TBXAS1: variants seen among roughly 807,000 people sequenced by gnomAD.
TBXAS1 encodes thromboxane A synthase 1, also known as thromboxane-A synthase.
Under a neutral mutation model 60.7 loss-of-function variants are expected in TBXAS1, and 48 were observed. The ratio of observed to expected loss-of-function variants is 0.79; its 90% CI spans 0.63 to 1.01. The LOEUF is 1.01. Among genes scored for constraint, TBXAS1 ranks in the 50% least tolerant of loss-of-function variants. The pLI is 0.00. For synonymous variants in TBXAS1, 287 were observed against 269.7 expected (o/e 1.06, Z -0.63); for missense variants, 685 against 686.3 (o/e 1.00, Z 0.02).
intron 8 of TBXAS1, among the ~76,000 whole-genome samples, chr7:139,959,007 T>TCACACACACA (rs8192836): frequency 0.058 from 8,635 of 149,792 alleles, 282 homozygotes; most frequent in Middle Eastern, 0.08. Context: ...TTGAGAGTGT[T>TCACACACACA]CACACACACA....
intron 3 of TBXAS1, among the ~76,000 whole-genome samples, chr7:139,886,657 C>T (rs8192819): frequency 0.023 from 3,445 of 152,254 alleles, 84 homozygotes; most frequent in South Asian, 0.061. Flanking sequence ...GTGCCACCTC[C>T]ATCTTTTCCG....
chr7:139,951,939 AG>A (rs1809373907), intron 5 of TBXAS1, among the ~76,000 whole-genome samples: 1 of 48,288 alleles, frequency 2.1e-5, no homozygotes. Flanking sequence ...GAGAGAAAGA[AG>A]GAAAGAAAGA....
At chr7:139,815,084 A>G (rs746940109) in intron 4 of TBXAS1, among the ~76,000 whole-genome samples, 2 of 152,230 alleles carry the variant, frequency 1.3e-5, no homozygotes, top group Non-Finnish European at 2.9e-5. Flanking sequence ...CTGATAAGAA[A>G]CAGGATTCGA....
intron 3 of TBXAS1, among the ~76,000 whole-genome samples, chr7:139,893,320 G>T (rs1803794018): frequency 1.2e-5 from 1 of 82,444 alleles, no homozygotes; most frequent in Non-Finnish European, 2.6e-5. Context: ...ATATTCTATG[G>T]AATAGACACA....
intron 4 of TBXAS1, among the ~76,000 whole-genome samples, chr7:139,822,749 T>C (rs1455297944): frequency 6.6e-6 from 1 of 152,150 alleles, no homozygotes; most frequent in African/African-American, 2.4e-5. Context: ...GGATTCTGCC[T>C]TCCTAGTGGT....
At chr7:139,907,520 C>T (rs1042678869) in intron 3 of TBXAS1, among the ~76,000 whole-genome samples, 1 of 152,004 alleles carries the variant, frequency 6.6e-6, no homozygotes, top group Non-Finnish European at 1.5e-5. Context: ...TAAACCTGTC[C>T]TCATAAATTG....
chr7:139,917,906 C>T (rs981285395), intron 4 of TBXAS1, among the ~76,000 whole-genome samples: 13 of 152,194 alleles, frequency 8.5e-5, no homozygotes, highest in Non-Finnish European at 1.6e-4. Context: ...TAACTTTTGT[C>T]GTGGCAGAAG....
intron 4 of TBXAS1, among the ~76,000 whole-genome samples, chr7:139,788,124 G>T (rs535824244): frequency 6.6e-5 from 10 of 152,310 alleles, no homozygotes; most frequent in Admixed American, 1.3e-4. Context: ...TATAGGTATT[G>T]CTGTGGCTTC....
intron 9 of TBXAS1, among the ~76,000 whole-genome samples, chr7:139,988,481 T>C (rs192218586): frequency 2.4e-4 from 37 of 152,300 alleles, no homozygotes; most frequent in African/African-American, 8.7e-4. Flanking sequence ...CCAGCTCCCT[T>C]TGTGTTCACC....
Position 139,896,338 on chromosome 7 carries a change from C to A in TBXAS1, c.237-14887C>A, listed in dbSNP as rs1289938754. On this transcript the variant is annotated intron_variant, in intron 3 of 12. Coordinates refer to ENST00000448866, the MANE Select transcript of TBXAS1 (RefSeq NM_001061.7). This position sits in a 1 kb window ranked among gnomAD's most constrained non-coding sequence, Gnocchi z 4.0. ...GGTGACCCGACTGTCTGAAGTTTTC[C>A]AAACTAACAAGAGGGCAGCCGGCAC... Among the ~76,000 whole-genome samples, 1 of 152,110 alleles carries A rather than the reference C, an allele frequency of 6.6e-6. No homozygotes were observed. Among genetic ancestry groups the A allele is most frequent in the East Asian group, 1.9e-4 (1 of 5,192 alleles).
intron 9 of TBXAS1, among the ~76,000 whole-genome samples, chr7:140,001,480 C>G (rs924564088): frequency 6.6e-6 from 1 of 152,170 alleles, no homozygotes; most frequent in Non-Finnish European, 1.5e-5. Context: ...CAACCTCTAC[C>G]TCCCAGGCTC....
upstream of TBXAS1, among the ~76,000 whole-genome samples, chr7:139,826,423 G>C (rs1363858806): frequency 3.3e-5 from 5 of 152,236 alleles, no homozygotes; most frequent in East Asian, 9.6e-4. Context: ...GAACTACAGA[G>C]GAATAATTTT....
Position 139,975,131 on chromosome 7 carries a change from C to G in TBXAS1, c.1134+12898C>G, listed in dbSNP as rs1584987371. ...AAAACCTCAGTTTTTGCTCTTACGG[C>G]CTTCAACCGATTGGATGAGGCACGC... On this transcript the variant is annotated intron_variant, in intron 9 of 12. Transcript: ENST00000448866. This position sits in a 1 kb window ranked among gnomAD's most constrained non-coding sequence, Gnocchi z 4.4. Among the ~76,000 whole-genome samples the G allele has an allele frequency of 6.6e-6, 1 of 152,168 alleles. No homozygotes were observed. The highest frequency in any genetic ancestry group is 2.4e-5 in the African/African-American group (1 of 41,430).
intron 9 of TBXAS1, among the ~76,000 whole-genome samples, chr7:139,986,789 G>GTA (rs1569522803): frequency 0.01 from 501 of 48,922 alleles, 6 homozygotes; most frequent in African/African-American, 0.038. Context: ...GTGTGTGTGT[G>GTA]TGTGTGTGTG....
At chr7:139,837,759 A>G (rs1300018028) in intron 1 of TBXAS1, among the ~76,000 whole-genome samples, 1 of 152,176 alleles carries the variant, frequency 6.6e-6, no homozygotes, top group Non-Finnish European at 1.5e-5. Context: ...AATCACCACT[A>G]AAGAACTTAC....
chr7:139,969,830 A>G (rs1389914955), intron 9 of TBXAS1, among the ~76,000 whole-genome samples: 1 of 152,154 alleles, frequency 6.6e-6, no homozygotes, highest in Non-Finnish European at 1.5e-5. Flanking sequence ...CTGCCTTCTG[A>G]CAGACCCCAC....
At chr7:139,913,109 A>C in intron 4 of TBXAS1, 1 of 702,806 alleles carries the variant, frequency 1.4e-6, no homozygotes, top group Non-Finnish European at 2.6e-6. Context: ...TGGCCTCTAG[A>C]GGGATGTGGC....
intron 9 of TBXAS1, among the ~76,000 whole-genome samples, chr7:139,991,685 T>C (rs942457439): frequency 6.6e-6 from 1 of 152,188 alleles, no homozygotes; most frequent in Non-Finnish European, 1.5e-5. Context: ...TCGTTTTACA[T>C]GGAAGATGGG....
At chr7:139,807,369 T>A (rs1447895290) in intron 4 of TBXAS1, among the ~76,000 whole-genome samples, 3 of 151,524 alleles carry the variant, frequency 2.0e-5, no homozygotes, top group Admixed American at 1.3e-4. Context: ...ATTACAGAGG[T>A]GTCCCACCAC....
Sources: allele counts gnomAD v4.1 joint callset (sites outside exome capture counted in the v4.1 genomes callset), GRCh38; gene constraint gnomAD v4.1.1; non-coding constraint Gnocchi (gnomAD v3.1); transcripts MANE v1.5; gene names NCBI Gene and HGNC (gene_info 2026-07-23, HGNC 2026-07-21).